Variants in SCHIP1 observed in about 807,000 individuals in gnomAD.
SCHIP1 encodes the protein schwannomin-interacting protein 1.
SCHIP1 carries 8 observed loss-of-function variants against 29.7 expected under a neutral mutation model. The observed-to-expected ratio is 0.27, with a 90% CI of 0.16 to 0.49. The LOEUF is 0.49. Among genes scored for constraint, SCHIP1 ranks in the 20% least tolerant of loss-of-function variants. The pLI, the probability that SCHIP1 is intolerant of heterozygous loss-of-function variation, is 0.99. For missense variants in SCHIP1, 193 were observed against 294.6 expected (o/e 0.66, Z 2.52); for synonymous variants, 76 against 94.9 (o/e 0.80, Z 1.16).
chr3:159,672,066 A>T, the SCHIP1 span, among the ~76,000 whole-genome samples: 2,837 of 152,328 alleles, frequency 0.019, 54 homozygotes, highest in African/African-American at 0.042. Context: ...AAATGTCACT[A>T]AAATCTGATA....
chr3:159,383,157 G>T, the SCHIP1 span, among the ~76,000 whole-genome samples: 10 of 150,080 alleles, frequency 6.7e-5, no homozygotes, highest in Middle Eastern at 3.4e-3. Flanking sequence ...ATTGCTTTTG[G>T]TGTTTTAGAC....
chr3:159,755,215 A>G, the SCHIP1 span, among the ~76,000 whole-genome samples: 4 of 152,356 alleles, frequency 2.6e-5, 1 homozygote, highest in Admixed American at 2.6e-4. Flanking sequence ...AGCCTGGGCA[A>G]CAGAGCAAGA....
At chr3:159,783,672 T>C in the SCHIP1 span, among the ~76,000 whole-genome samples, 1 of 152,128 alleles carries the variant, frequency 6.6e-6, no homozygotes, top group South Asian at 2.1e-4. Context: ...TTTAGGGAAG[T>C]ACGTGGGAAG....
At chr3:159,303,871 T>C in the SCHIP1 span, among the ~76,000 whole-genome samples, 1 of 152,326 alleles carries the variant, frequency 6.6e-6, no homozygotes, top group African/African-American at 2.4e-5. Context: ...CTTTTTCTTT[T>C]ATTATTATAC....
chr3:159,342,552 C>T, the SCHIP1 span, among the ~76,000 whole-genome samples: 7 of 151,972 alleles, frequency 4.6e-5, no homozygotes, highest in Admixed American at 3.9e-4. Flanking sequence ...TTTTTAAAAC[C>T]AAAGTTTTCA....
At chr3:159,318,158 GTGGTGTCCACAGAA>G in the SCHIP1 span, among the ~76,000 whole-genome samples, 112 of 152,282 alleles carry the variant, frequency 7.4e-4, no homozygotes, top group Middle Eastern at 3.4e-3. Flanking sequence ...AAGAGGCTGA[GTGGTGTCCACAGAA>G]TGGGTCATCC....
At chr3:159,308,866 A>G in the SCHIP1 span, among the ~76,000 whole-genome samples, 1 of 152,228 alleles carries the variant, frequency 6.6e-6, no homozygotes, top group Non-Finnish European at 1.5e-5. Context: ...TTGCAGCAAC[A>G]TGAATGGAGC....
At chr3:159,351,503 C>A in the SCHIP1 span, among the ~76,000 whole-genome samples, 1 of 152,092 alleles carries the variant, frequency 6.6e-6, no homozygotes, top group South Asian at 2.1e-4. Flanking sequence ...AGCACAGTTA[C>A]CACATAGTAA....
chr3:159,517,670 GTA>G, the SCHIP1 span, among the ~76,000 whole-genome samples: 6 of 151,720 alleles, frequency 4.0e-5, no homozygotes, highest in African/African-American at 1.5e-4. Flanking sequence ...AAATCTGTGT[GTA>G]TGTGTGTACA....
chr3:159,356,504 A>C, the SCHIP1 span, among the ~76,000 whole-genome samples: 1 of 152,218 alleles, frequency 6.6e-6, no homozygotes, highest in Admixed American at 6.5e-5. Flanking sequence ...TGGTAGACAG[A>C]GAAACCTGAA....
At chr3:159,314,742 T>C in the SCHIP1 span, among the ~76,000 whole-genome samples, 1 of 152,220 alleles carries the variant, frequency 6.6e-6, no homozygotes, top group African/African-American at 2.4e-5. Context: ...AGCCTACCTA[T>C]GGATTTCTAG....
the SCHIP1 span, among the ~76,000 whole-genome samples, chr3:159,545,588 C>CTGTG: frequency 1.6e-4 from 23 of 146,944 alleles, no homozygotes; most frequent in East Asian, 5.9e-4. Flanking sequence ...ATATATATGT[C>CTGTG]TGTGTGTGTG....
the SCHIP1 span, among the ~76,000 whole-genome samples, chr3:159,810,075 T>C: frequency 9.9e-5 from 15 of 152,234 alleles, no homozygotes; most frequent in Admixed American, 6.5e-4. Flanking sequence ...AGACGGAGTC[T>C]CGCACTGTCG....
the SCHIP1 span, among the ~76,000 whole-genome samples, chr3:159,326,462 T>C: frequency 6.6e-6 from 1 of 152,152 alleles, no homozygotes; most frequent in Non-Finnish European, 1.5e-5. Context: ...GTCCAAATAT[T>C]ATGTGATAGA....
At chr3:159,645,838 G>C in the SCHIP1 span, among the ~76,000 whole-genome samples, 1 of 152,152 alleles carries the variant, frequency 6.6e-6, no homozygotes, top group Non-Finnish European at 1.5e-5. Context: ...TCAGGCTTGG[G>C]TGACTGGGTG....
chr3:159,407,012 A>T, the SCHIP1 span, among the ~76,000 whole-genome samples: 1 of 152,188 alleles, frequency 6.6e-6, no homozygotes, highest in Non-Finnish European at 1.5e-5. Flanking sequence ...AACAAATAGC[A>T]AAATGACCGG....
chr3:159,888,987 C>T (rs752516545), intron 5 of SCHIP1, 44 bp downstream of exon 6: 2 of 1,599,466 alleles, frequency 1.3e-6, no homozygotes, highest in East Asian at 2.3e-5. Context: ...CAATGTAAAA[C>T]ATTATGGGAT....
chr3:159,375,814 C>T, the SCHIP1 span: 1 of 872,658 alleles, frequency 1.1e-6, no homozygotes, highest in East Asian at 1.2e-4. Flanking sequence ...AAAAGTAAAG[C>T]TAGACAGGCA....
At chr3:159,797,630 T>G in the SCHIP1 span, among the ~76,000 whole-genome samples, 1 of 151,946 alleles carries the variant, frequency 6.6e-6, no homozygotes, top group South Asian at 2.1e-4. Context: ...TGGAGTGCAG[T>G]GGCACGATCT....
Sources: gnomAD v4.1 joint callset for allele counts (sites outside exome capture counted in the v4.1 genomes callset) on GRCh38, gnomAD v4.1.1 for gene constraint, MANE v1.5 for transcripts, NCBI Gene and HGNC (gene_info 2026-07-23, HGNC 2026-07-21) for gene names.